LMNA: variants seen among roughly 807,000 people sequenced by gnomAD.
LMNA encodes lamin A/C, also known as lamin.
In LMNA, 20 loss-of-function variants were observed where a neutral mutation model predicts 70.4. The observed-to-expected ratio is 0.28, with a 90% confidence interval of 0.20 to 0.41. The LOEUF is 0.41. LMNA is among the 10% of genes least tolerant of loss of function. The pLI is 1.00. For missense variants in LMNA, 652 were observed against 917.2 expected (o/e 0.71, Z 3.73); for synonymous variants, 339 against 372.8 (o/e 0.91, Z 1.04).
At chr1:156,111,936 G>C (rs539669307), upstream of LMNA, among the ~76,000 whole-genome samples, 6 of 152,362 alleles carry the variant, frequency 3.9e-5, no homozygotes, top group African/African-American at 1.4e-4. Flanking sequence ...CCCTGGCAAA[G>C]GGAGAGCAGA....
rs1651761838 is a variant in LMNA at position 156,137,497 on chromosome 1, A to G, written c.1609-157A>G. On this transcript the variant is annotated intron_variant, in intron 9 of 11. Coordinates refer to ENST00000368300, the MANE Select transcript of LMNA (RefSeq NM_170707.4). The surrounding 1 kb of genome is among the most constrained non-coding windows in gnomAD (Gnocchi z 4.6). ...TTGACAGTGTCCCTCTGGGGTGGAA[A>G]TGAGTTCCTTAGCTCCATCACCACA... 10 of 820,512 alleles carry G rather than the reference A, an allele frequency of 1.2e-5. No homozygotes were observed. The East Asian group carries it at 2.7e-4, about 22-fold the overall frequency. 50.8% of individuals were successfully genotyped at this position (820,512 alleles called of 1,614,324 possible). A position where few individuals can be genotyped will look rare whatever the true frequency, so the allele number is the denominator to read the frequency against.
At chr1:156,084,328 C>CGGGGAG (rs1648392498) in intron 2 of LMNA, among the ~76,000 whole-genome samples, 1 of 90,978 alleles carries the variant, frequency 1.1e-5, no homozygotes, top group Admixed American at 1.2e-4. Context: ...CTCAGAAGGT[C>CGGGGAG]GGGGGGTGGT....
chr1:156,086,426 T>TCTCTCTCTCTC (rs1375166588), intron 2 of LMNA, among the ~76,000 whole-genome samples: 35 of 95,884 alleles, frequency 3.7e-4, no homozygotes, highest in Admixed American at 1.6e-3. Context: ...CTCTCTCTCT[T>TCTCTCTCTCTC]TTGTCTTTCT....
Position 156,139,991 on chromosome 1 carries a change from T to G in LMNA, c.*885T>G, listed in dbSNP as rs1572371775. On this transcript the variant is annotated 3_prime_UTR_variant, in exon 12 of 12. Coordinates refer to ENST00000368300, the MANE Select transcript of LMNA (RefSeq NM_170707.4). ...AAGAGGGGGTGGAGGGGTGTGGCAGTGGTTTTGGCAAACGCTAAAGAGCCC... is the reference window on the plus strand; with the variant it reads ...AAGAGGGGGTGGAGGGGTGTGGCAGGGGTTTTGGCAAACGCTAAAGAGCCC... 1.5e-6 allele frequency: 1 copy of G among 663,964 alleles called. No homozygotes were observed. Among genetic ancestry groups the G allele is most frequent in the Admixed American group, 3.4e-5 (1 of 29,616 alleles). 41.1% of individuals were successfully genotyped at this position (663,964 alleles called of 1,614,324 possible).
chr1:156,138,948 G>T lies in LMNA; in HGVS notation c.1969-132G>T. The T allele has an allele frequency of 7.6e-7, 1 of 1,308,148 alleles. No individual in the cohort carries two copies. Among genetic ancestry groups the T allele is most frequent in the Non-Finnish European group, 1.1e-6 (1 of 909,374 alleles). The allele number at this position is 1,308,148 out of a possible 1,614,324, so 81.0% of individuals were successfully genotyped here. Reference sequence around the variant, plus strand: ...TCCTGCCCCTCTTGTCTGAGCCCCAGACTGGAGGGCAGGGGCAGGGCTGGA... The same window carrying T: ...TCCTGCCCCTCTTGTCTGAGCCCCATACTGGAGGGCAGGGGCAGGGCTGGA... On this transcript the variant is annotated intron_variant, in intron 11 of 11. Transcript: ENST00000368300. This position sits in a 1 kb window ranked among gnomAD's most constrained non-coding sequence, Gnocchi z 5.5.
upstream of LMNA, among the ~76,000 whole-genome samples, chr1:156,113,719 C>T (rs1021297258): frequency 3.9e-5 from 6 of 152,318 alleles, no homozygotes; most frequent in East Asian, 5.8e-4. Context: ...CTTTCAGGCC[C>T]CTCTGGGAAC....
chr1:156,114,678 C>G, upstream of LMNA: 1 of 538,204 alleles, frequency 1.9e-6, no homozygotes. Flanking sequence ...AGAGGAGGAC[C>G]TATTAGAGCC....
At chr1:156,128,081 C>G (rs1293973332) in intron 1 of LMNA, among the ~76,000 whole-genome samples, 1 of 152,104 alleles carries the variant, frequency 6.6e-6, no homozygotes, top group South Asian at 2.1e-4. Flanking sequence ...CTGCGGGACC[C>G]TAGATATAGC....
intron 3 of LMNA, chr1:156,090,673 G>C (rs777785999): frequency 4.6e-5 from 7 of 152,444 alleles, no homozygotes; most frequent in Non-Finnish European, 8.8e-5. Context: ...GTGAGTGCTT[G>C]GAGCCCACAG....
chr1:156,095,066 C>T (rs373713817), intron 3 of LMNA, among the ~76,000 whole-genome samples: 8 of 152,128 alleles, frequency 5.3e-5, no homozygotes, highest in Non-Finnish European at 8.8e-5. Context: ...GGACTACAGG[C>T]GCACGCCACC....
At chr1:156,098,754 T>C (rs570612182) in intron 3 of LMNA, among the ~76,000 whole-genome samples, 42 of 152,180 alleles carry the variant, frequency 2.8e-4, no homozygotes, top group African/African-American at 9.6e-4. Flanking sequence ...GGAAGGCAAG[T>C]CATGTCTAGT....
chr1:156,137,598 G>A lies in LMNA; in HGVS notation c.1609-56G>A, dbSNP rs1449456270. The A allele has an allele frequency of 2.0e-6, 3 of 1,476,664 alleles. No individual in the cohort carries two copies. The highest frequency in any genetic ancestry group is 3.4e-4 in the Middle Eastern group (2 of 5,844). 91.5% of individuals were successfully genotyped at this position (1,476,664 alleles called of 1,614,324 possible). A position where few individuals can be genotyped will look rare whatever the true frequency, so the allele number is the denominator to read the frequency against. ...TGCAGGTGGTCACTGGGGTAGACAT[G>A]CTGTACAACCCTTCCCTGGCCCTGA... On this transcript the variant is annotated intron_variant, in intron 9 of 11. Coordinates refer to ENST00000368300, the MANE Select transcript of LMNA (RefSeq NM_170707.4). This position sits in a 1 kb window ranked among gnomAD's most constrained non-coding sequence, Gnocchi z 4.6.
intron 2 of LMNA, among the ~76,000 whole-genome samples, chr1:156,085,172 G>A (rs1648430619): frequency 6.6e-6 from 1 of 152,258 alleles, no homozygotes; most frequent in African/African-American, 2.4e-5. Flanking sequence ...AATGCAGTTA[G>A]GTGTGTGGCA....
rs1649678651 is a variant in LMNA at position 156,114,743 on chromosome 1, C to A, written c.-176C>A. The A allele has an allele frequency of 1.7e-6, 1 of 585,034 alleles. No individual in the cohort carries two copies. Among genetic ancestry groups the A allele is most frequent in the East Asian group, 3.0e-5 (1 of 33,116 alleles). 36.2% of individuals were successfully genotyped at this position (585,034 alleles called of 1,614,324 possible). A position where few individuals can be genotyped will look rare whatever the true frequency, so the allele number is the denominator to read the frequency against. ...GCGGGAGCGCCGCACCTACACCAGCCAACCCAGATCCCGAGGTCCGACAGC... is the reference window on the plus strand; with the variant it reads ...GCGGGAGCGCCGCACCTACACCAGCAAACCCAGATCCCGAGGTCCGACAGC... On this transcript the variant is annotated 5_prime_UTR_variant, in exon 1 of 12. Coordinates refer to ENST00000368300, the MANE Select transcript of LMNA (RefSeq NM_170707.4).
Position 156,136,325 on chromosome 1 carries a change from C to A in LMNA, c.1269C>A (p.Ser423=). 6.2e-7 allele frequency: 1 copy of A among 1,612,294 alleles called. No individual in the cohort carries two copies. The highest frequency in any genetic ancestry group is 8.5e-7 in the Non-Finnish European group (1 of 1,180,038). ...TCACCAAAAAGCGCAAACTGGAGTC[C>A]ACTGAGAGCCGCAGCAGCTTCTCAC... ...GSVTKKRKLE[S]TESRSSFSQH... The change falls in exon 7 of 12, where the codon TCC becomes TCA. Residue 423 remains serine, a synonymous_variant. Coordinates refer to ENST00000368300, the MANE Select transcript of LMNA (RefSeq NM_170707.4). The surrounding 1 kb of genome is among the most constrained non-coding windows in gnomAD (Gnocchi z 6.1).
chr1:156,122,925 C>A (rs894340663), intron 1 of LMNA, among the ~76,000 whole-genome samples: 1 of 152,168 alleles, frequency 6.6e-6, no homozygotes, highest in African/African-American at 2.4e-5. Context: ...GGAGTCCTCC[C>A]TTCACCCCTG....
intron 3 of LMNA, among the ~76,000 whole-genome samples, chr1:156,104,094 G>GA (rs919098666): frequency 1.2e-4 from 19 of 152,216 alleles, no homozygotes; most frequent in Non-Finnish European, 2.5e-4. Flanking sequence ...AGAGTAGAGG[G>GA]AAGGCCTGGC....
chr1:156,103,904 G>A lies in LMNA; in HGVS notation c.-206-10809G>A, dbSNP rs1649229417. The stretch of plus-strand genomic sequence containing the variant: ...CTCCCCTGCCCTTTCGAAGCCTCTA[G>A]TGGAGTCACTCCTTTCCTTCCCCGA... On this transcript the variant is annotated intron_variant, in intron 3 of 12. Coordinates refer to the LMNA transcript ENST00000368301. This position sits in a 1 kb window ranked among gnomAD's most constrained non-coding sequence, Gnocchi z 4.7. Among the ~76,000 whole-genome samples, 1 of 152,118 alleles carries A rather than the reference G, an allele frequency of 6.6e-6. No individual in the cohort carries two copies. The highest frequency in any genetic ancestry group is 1.5e-5 in the Non-Finnish European group (1 of 68,022).
chr1:156,089,328 C>T (rs1648602850), intron 2 of LMNA, among the ~76,000 whole-genome samples: 2 of 151,782 alleles, frequency 1.3e-5, no homozygotes, highest in Non-Finnish European at 2.9e-5. Context: ...TGAAGTCTTG[C>T]TCTGTTGCTC....
Sources: gnomAD v4.1 joint callset for allele counts (sites outside exome capture counted in the v4.1 genomes callset) on GRCh38, gnomAD v4.1.1 for gene constraint, Gnocchi (gnomAD v3.1) non-coding constraint, MANE v1.5 for transcripts, NCBI Gene and HGNC (gene_info 2026-07-23, HGNC 2026-07-21) for gene names.